The following STK32B variants were observed in gnomAD, a reference collection of about 807,000 sequenced individuals.
STK32B encodes the protein serine/threonine kinase 32B.
Under a neutral mutation model 52.6 loss-of-function variants are expected in STK32B, and 43 were observed. The ratio of observed to expected loss-of-function variants is 0.82; its 90% CI spans 0.64 to 1.05. The LOEUF is 1.05. STK32B is among the 50% of genes least tolerant of loss of function. The probability of loss-of-function intolerance (pLI) is 0.00; values close to 1 mark genes in which losing one functional copy is unlikely to be tolerated. For missense variants in STK32B, 621 were observed against 534.6 expected (o/e 1.16, Z -1.59); for synonymous variants, 238 against 204.3 (o/e 1.17, Z -1.41).
intron 3 of STK32B, among the ~76,000 whole-genome samples, chr4:5,314,740 C>T (rs66897328): frequency 0.12 from 17,742 of 152,010 alleles, 2,611 homozygotes; most frequent in African/African-American, 0.35. Flanking sequence ...TGAGAAAAAA[C>T]ATCATAGGAG....
intron 4 of STK32B, among the ~76,000 whole-genome samples, chr4:5,381,444 T>C (rs906663831): frequency 2.0e-5 from 3 of 152,160 alleles, no homozygotes; most frequent in Admixed American, 2.0e-4. Flanking sequence ...AGCTGCCCTC[T>C]CATCTGCAGC....
intron 3 of STK32B, among the ~76,000 whole-genome samples, chr4:5,258,252 G>T (rs1726466517): frequency 6.6e-6 from 1 of 152,222 alleles, no homozygotes; most frequent in Non-Finnish European, 1.5e-5. Flanking sequence ...CAGGGGGACA[G>T]TGCCTGGGTT....
intron 11 of STK32B, among the ~76,000 whole-genome samples, chr4:5,495,909 A>C (rs1720193438): frequency 1.3e-5 from 2 of 152,210 alleles, no homozygotes; most frequent in South Asian, 4.2e-4. Flanking sequence ...TGAACTGCGA[A>C]TGCTGCTCTC....
intron 3 of STK32B, among the ~76,000 whole-genome samples, chr4:5,180,534 C>G (rs73212017): frequency 6.6e-6 from 1 of 151,984 alleles, no homozygotes; most frequent in African/African-American, 2.4e-5. Flanking sequence ...TGGCCCCTCC[C>G]TGCTTGGTAC....
chr4:5,329,600 G>C (rs1417351352), intron 3 of STK32B, among the ~76,000 whole-genome samples: 1 of 152,170 alleles, frequency 6.6e-6, no homozygotes, highest in Non-Finnish European at 1.5e-5. Context: ...GTCAGTGACT[G>C]TCAGCCCAGC....
At chr4:5,308,571 C>T (rs889760178) in intron 3 of STK32B, among the ~76,000 whole-genome samples, 2 of 152,278 alleles carry the variant, frequency 1.3e-5, no homozygotes, top group Admixed American at 6.5e-5. Flanking sequence ...AGAAAGTTAG[C>T]GTCATTCATT....
chr4:5,363,775 A>G (rs1391957683), intron 4 of STK32B, among the ~76,000 whole-genome samples: 1 of 152,064 alleles, frequency 6.6e-6, no homozygotes, highest in Non-Finnish European at 1.5e-5. Context: ...CCTCTTACCT[A>G]TGGGGGTTCT....
At chr4:5,276,725 A>C (rs567154177) in intron 3 of STK32B, among the ~76,000 whole-genome samples, 2 of 152,182 alleles carry the variant, frequency 1.3e-5, no homozygotes, top group African/African-American at 4.8e-5. Flanking sequence ...TAATTTTTAC[A>C]ATAGTCATAT....
chr4:5,289,255 G>A (rs1331388483), intron 3 of STK32B, among the ~76,000 whole-genome samples: 1 of 152,138 alleles, frequency 6.6e-6, no homozygotes, highest in East Asian at 1.9e-4. Context: ...CATAAGTGTG[G>A]TATAAGAGAT....
chr4:5,356,952 C>T (rs923103270), intron 4 of STK32B, among the ~76,000 whole-genome samples: 10 of 152,038 alleles, frequency 6.6e-5, no homozygotes, highest in South Asian at 2.1e-4. Flanking sequence ...GAGCCGAGAT[C>T]GTGCCATTGC....
chr4:5,324,779 T>G (rs1378735091), intron 3 of STK32B, among the ~76,000 whole-genome samples: 1 of 152,162 alleles, frequency 6.6e-6, no homozygotes, highest in East Asian at 1.9e-4. Flanking sequence ...ACACCAGGAA[T>G]AAGGAATATT....
intron 2 of STK32B, among the ~76,000 whole-genome samples, chr4:5,145,816 T>G (rs1716865690): frequency 6.6e-6 from 1 of 152,210 alleles, no homozygotes; most frequent in African/African-American, 2.4e-5. Flanking sequence ...GTGGTGTGTT[T>G]TGATACATGA....
At chr4:5,158,255 T>G (rs1388305292) in intron 2 of STK32B, among the ~76,000 whole-genome samples, 4 of 152,110 alleles carry the variant, frequency 2.6e-5, no homozygotes, top group Admixed American at 2.0e-4. Flanking sequence ...ACAGAGTGTT[T>G]CCCAGCTCCC....
intron 5 of STK32B, among the ~76,000 whole-genome samples, chr4:5,413,359 G>C (rs758008848): frequency 4.9e-4 from 74 of 152,174 alleles, no homozygotes; most frequent in Non-Finnish European, 9.1e-4. Context: ...GTGGAATCAG[G>C]CTTCAGGCAG....
intron 2 of STK32B, among the ~76,000 whole-genome samples, chr4:5,155,702 C>T (rs564356735): frequency 6.6e-6 from 1 of 152,138 alleles, no homozygotes; most frequent in Non-Finnish European, 1.5e-5. Flanking sequence ...AGGTGTGGCA[C>T]TTCCTTGCTC....
chr4:5,466,184 G>A (rs142491920), intron 9 of STK32B, among the ~76,000 whole-genome samples: 18 of 152,284 alleles, frequency 1.2e-4, no homozygotes, highest in African/African-American at 4.3e-4. Flanking sequence ...TGACCACAGC[G>A]GGAGGAGCCC....
intron 2 of STK32B, among the ~76,000 whole-genome samples, chr4:5,159,630 A>AAT (rs1318524989): frequency 1.2e-5 from 1 of 80,852 alleles, no homozygotes. Flanking sequence ...AATATATATG[A>AAT]ATATATATAT....
At chr4:5,454,696 A>G (rs16837268) in intron 7 of STK32B, among the ~76,000 whole-genome samples, 3,229 of 152,174 alleles carry the variant, frequency 0.021, 144 homozygotes, top group African/African-American at 0.072. Context: ...GCTCCAGGAT[A>G]TAGTGCCTCG....
intron 1 of STK32B, among the ~76,000 whole-genome samples, chr4:5,090,884 C>T (rs749361353): frequency 3.5e-4 from 53 of 152,056 alleles, no homozygotes; most frequent in Non-Finnish European, 7.5e-4. Context: ...ATGAAATGGA[C>T]AAATTTCTAG....
Sources: allele counts gnomAD v4.1 joint callset (sites outside exome capture counted in the v4.1 genomes callset), GRCh38; gene constraint gnomAD v4.1.1; transcripts MANE v1.5; gene names NCBI Gene and HGNC (gene_info 2026-07-23, HGNC 2026-07-21).